Variants in ACTR10 observed in about 807,000 individuals in gnomAD.
ACTR10 encodes actin related protein 10, also known as actin-related protein 10.
A neutral mutation model predicts 56.2 loss-of-function variants in ACTR10; 43 were observed. The observed-to-expected ratio is 0.77, with a 90% CI of 0.60 to 0.99. ACTR10 has a LOEUF of 0.99. Ranked by LOEUF, ACTR10 falls within the 50% of genes least tolerant of loss-of-function variation. The pLI is 0.00. For missense variants in ACTR10, 466 were observed against 507.8 expected (o/e 0.92, Z 0.79); for synonymous variants, 170 against 176.3 (o/e 0.96, Z 0.28).
Position 58,215,303 on chromosome 14 carries a change from G to A in ACTR10, c.598+19G>A. ...GTGATGGGTAAATTCATTTTAAGTG[G>A]TTTAGGAGTGGTTTACACTCTCTTT... On this transcript the variant is annotated intron_variant, in intron 7 of 12. Coordinates refer to ENST00000254286, the MANE Select transcript of ACTR10 (RefSeq NM_018477.3). The A allele has an allele frequency of 6.5e-7, 1 of 1,534,990 alleles. No homozygotes were observed. Among genetic ancestry groups the A allele is most frequent in the Non-Finnish European group, 8.9e-7 (1 of 1,117,560 alleles).
At chr14:58,219,613 A>ATT (rs2140055123) in intron 7 of ACTR10, 81 bp from the exon 8 acceptor site, 1 of 883,230 alleles carries the variant, frequency 1.1e-6, no homozygotes, top group East Asian at 3.3e-5. Flanking sequence ...TCTAAATTGA[A>ATT]AAATAGAAAT....
At position 58,221,702 on chromosome 14, in the gene ACTR10, T is replaced by C. The variant is rs968243172; in HGVS notation, c.635-1920T>C. Among the ~76,000 whole-genome samples, 8 of 152,266 alleles carry C rather than the reference T, an allele frequency of 5.3e-5. No individual in the cohort carries two copies. The South Asian group carries it at 1.0e-3, about 20-fold the overall frequency. ...GTTGCAGTGAGCCAAGATCACGCCA[T>C]TGGACTCCAGCGTGGATGACAGAGT... On this transcript the variant is annotated intron_variant, in intron 8 of 12. Coordinates refer to ENST00000254286, the MANE Select transcript of ACTR10 (RefSeq NM_018477.3).
Position 58,231,303 on chromosome 14 carries a change from C to T in ACTR10, c.871-763C>T, listed in dbSNP as rs569797621. The T allele has an allele frequency of 1.0e-4, 17 of 169,474 alleles. 1 individual carries two copies. In the South Asian group the frequency reaches 1.1e-3, roughly 11 times the overall value. 10.5% of individuals were successfully genotyped at this position (169,474 alleles called of 1,614,324 possible). On this transcript the variant is annotated intron_variant, in intron 11 of 12. Coordinates refer to ENST00000254286, the MANE Select transcript of ACTR10 (RefSeq NM_018477.3). ...CCGACCTCAGGTAATCCACCTGTCTCGGCCTCCCAAAGGGCTGTACAGGCG... is the reference window on the plus strand; with the variant it reads ...CCGACCTCAGGTAATCCACCTGTCTTGGCCTCCCAAAGGGCTGTACAGGCG...
At chr14:58,207,845 C>A in intron 2 of ACTR10, 91 bp from the exon 3 acceptor site, 2 of 754,236 alleles carry the variant, frequency 2.7e-6, no homozygotes. Flanking sequence ...AATTTATTCC[C>A]AGAAAATGTA....
chr14:58,220,465 A>G (rs770590524), intron 8 of ACTR10, among the ~76,000 whole-genome samples: 1 of 152,202 alleles, frequency 6.6e-6, no homozygotes, highest in African/African-American at 2.4e-5. Context: ...ATGTGTTTTA[A>G]TTACCTAAAT....
At chr14:58,206,805 C>T (rs1888874940) in intron 2 of ACTR10, among the ~76,000 whole-genome samples, 1 of 152,042 alleles carries the variant, frequency 6.6e-6, no homozygotes, top group Non-Finnish European at 1.5e-5. Flanking sequence ...CAACTATGTA[C>T]CTGGAACTGT....
At chr14:58,221,157 C>T (rs1456020138) in intron 8 of ACTR10, among the ~76,000 whole-genome samples, 2 of 151,878 alleles carry the variant, frequency 1.3e-5, no homozygotes, top group Admixed American at 6.6e-5. Flanking sequence ...GTGGCACTCG[C>T]CTGTAGTCCC....
Position 58,207,993 on chromosome 14 carries a change from G to T in ACTR10, c.208G>T (p.Glu70Ter), listed in dbSNP as rs1218667326. 6.6e-7 allele frequency: 1 copy of T among 1,507,234 alleles called. No homozygotes were observed. The highest frequency in any genetic ancestry group is 1.5e-5 in the African/African-American group (1 of 67,900). The allele number at this position is 1,507,234 out of a possible 1,614,324, so 93.4% of individuals were successfully genotyped here. ...AGAAGAATTATATTCCTACCTAAAG[G>T]AATTCATCCACATACTATATTTCAG... ...NTEELYSYLKEFIHILYFRHL... is the reference protein window; with the variant it reads ...NTEELYSYLK The change falls in exon 3 of 13, where the codon GAA becomes TAA. Residue 70 changes from glutamate to a stop codon, truncating the protein, a stop_gained. Coordinates refer to ENST00000254286, the MANE Select transcript of ACTR10 (RefSeq NM_018477.3). LOFTEE classifies it high-confidence loss of function.
In ACTR10 at chr14:58,232,221, A is replaced by G. The variant is rs1889555347; in HGVS notation, c.1026A>G (p.Arg342=). The change falls in exon 12 of 13, where the codon CGA becomes CGG. Residue 342 remains arginine (R), a synonymous_variant. Coordinates refer to ENST00000254286, the MANE Select transcript of ACTR10 (RefSeq NM_018477.3). ...AAGCACTTGGCACTAAGACATTTCG[A>G]ATTCATACTCCACCTGCAAAAGCTA... is the stretch of plus-strand genomic sequence containing the variant. ...YKKALGTKTF[R]IHTPPAKANC... The G allele has an allele frequency of 6.2e-7, 1 of 1,613,642 alleles. No homozygotes were observed. The highest frequency in any genetic ancestry group is 1.1e-5 in the South Asian group (1 of 91,042).
At chr14:58,227,442 A>T (rs1889431524) in intron 10 of ACTR10, among the ~76,000 whole-genome samples, 2 of 152,260 alleles carry the variant, frequency 1.3e-5, no homozygotes, top group Admixed American at 6.5e-5. Flanking sequence ...AAATATTTTT[A>T]AAAATGAACT....
At chr14:58,226,206 C>T (rs996945654) in intron 10 of ACTR10, among the ~76,000 whole-genome samples, 35 of 152,200 alleles carry the variant, frequency 2.3e-4, no homozygotes, top group African/African-American at 7.7e-4. Context: ...TTTGAGGTTA[C>T]GGTGATCTAT....
At chr14:58,204,163 C>T (rs937089372) in intron 2 of ACTR10, among the ~76,000 whole-genome samples, 8 of 150,518 alleles carry the variant, frequency 5.3e-5, no homozygotes, top group Non-Finnish European at 1.0e-4. Flanking sequence ...GGGCAGATCA[C>T]GAGGTCAGGA....
chr14:58,202,941 AAT>A lies in ACTR10; in HGVS notation c.150+17_150+18del, dbSNP rs111562516. 1.0e-3 allele frequency: 1,446 copies of A among 1,393,418 alleles called. No individual in the cohort carries two copies. The highest frequency in any genetic ancestry group is 1.2e-3 in the Non-Finnish European group (1,154 of 1,000,628). The allele number at this position is 1,393,418 out of a possible 1,614,324, so 86.3% of individuals were successfully genotyped here. A position where few individuals can be genotyped will look rare whatever the true frequency, so the allele number is the denominator to read the frequency against. ...GGGATGCCTAAGGTATTTAAAAAAA[AAT>A]ATTAGCAAAATAAATGCCATACTAT... On this transcript the variant is annotated intron_variant, in intron 2 of 12. Transcript: ENST00000254286.
intron 8 of ACTR10, among the ~76,000 whole-genome samples, chr14:58,220,148 A>G (rs1889229179): frequency 6.6e-6 from 1 of 152,194 alleles, no homozygotes; most frequent in Admixed American, 6.5e-5. Flanking sequence ...AGTGAGATTT[A>G]TTGCTTCTAC....
chr14:58,233,899 G>T (rs766779170), intron 12 of ACTR10, among the ~76,000 whole-genome samples: 2 of 152,128 alleles, frequency 1.3e-5, no homozygotes, highest in African/African-American at 4.8e-5. Context: ...TTTAGTAATG[G>T]AATTGTTTTT....
intron 8 of ACTR10, among the ~76,000 whole-genome samples, chr14:58,222,216 C>G (rs1438095887): frequency 6.6e-6 from 1 of 152,006 alleles, no homozygotes. Context: ...ACCAAGTTGT[C>G]AGATTTCTTG....
rs773186134 is a variant in ACTR10 at position 58,215,311 on chromosome 14, G to A, written c.598+27G>A. 4.1e-6 allele frequency: 6 copies of A among 1,467,356 alleles called. No homozygotes were observed. In the South Asian group the frequency reaches 6.0e-5, roughly 15 times the overall value. 90.9% of individuals were successfully genotyped at this position (1,467,356 alleles called of 1,614,324 possible). On this transcript the variant is annotated intron_variant, in intron 7 of 12. Transcript: ENST00000254286. Reference sequence around the variant, plus strand: ...TAAATTCATTTTAAGTGGTTTAGGAGTGGTTTACACTCTCTTTTTGTTCTT... The same window carrying A: ...TAAATTCATTTTAAGTGGTTTAGGAATGGTTTACACTCTCTTTTTGTTCTT...
rs540093918 is a variant in ACTR10, at chr14:58,202,391, C to T, written c.78-464C>T. The stretch of plus-strand genomic sequence containing the variant: ...GGTCAGGAGATCGAGACTATCCTGG[C>T]TAACACGGTGAAACCTCGTCTCTAC... On this transcript the variant is annotated intron_variant, in intron 1 of 12. Transcript: ENST00000254286. Among the ~76,000 whole-genome samples the T allele has an allele frequency of 2.6e-5, 4 of 151,058 alleles. No homozygotes were observed. In the East Asian group the frequency reaches 7.8e-4, roughly 29 times the overall value.
At chr14:58,229,632 C>T (rs1211397305) in intron 10 of ACTR10, among the ~76,000 whole-genome samples, 1 of 147,738 alleles carries the variant, frequency 6.8e-6, no homozygotes, top group African/African-American at 2.5e-5. Flanking sequence ...GAGCCGAGAT[C>T]ACGCCACTGC....
Sources: allele counts gnomAD v4.1 joint callset (sites outside exome capture counted in the v4.1 genomes callset), GRCh38; gene constraint gnomAD v4.1.1; transcripts MANE v1.5; gene names NCBI Gene and HGNC (gene_info 2026-07-23, HGNC 2026-07-21).